Variants in APBB1 observed in about 807,000 individuals in gnomAD.
APBB1 encodes the protein adaptor protein FE65a2.
In APBB1, 22 loss-of-function variants were observed where a neutral mutation model predicts 78.4. The ratio of observed to expected loss-of-function variants is 0.28; its 90% CI spans 0.20 to 0.40. The LOEUF (loss-of-function observed/expected upper bound fraction) is 0.40, where lower values mean the gene tolerates loss of function less well. Among genes scored for constraint, APBB1 ranks in the 10% least tolerant of loss-of-function variants. The probability of loss-of-function intolerance (pLI) is 1.00; values close to 1 mark genes in which losing one functional copy is unlikely to be tolerated. For synonymous variants in APBB1, 369 were observed against 372.7 expected (o/e 0.99, Z 0.12); for missense variants, 749 against 932.4 (o/e 0.80, Z 2.56).
intron 12 of APBB1, among the ~76,000 whole-genome samples, chr11:6,399,728 T>C (rs967782204): frequency 3.9e-5 from 6 of 152,200 alleles, no homozygotes; most frequent in Non-Finnish European, 8.8e-5. Context: ...CAATAACTCC[T>C]TGCTGCCCTT....
rs377143617 is a variant in APBB1, at chr11:6,405,441, C to T, written c.722-1619G>A. ...TCCTCGGCAACCGCAGCACCAGGAC[C>T]GGCTGGGAGCGCCCAGACTGCTGAC... On this transcript the variant is annotated intron_variant, in intron 2 of 14. Transcript: ENST00000609360. 665 of 987,162 alleles carry T rather than the reference C, an allele frequency of 6.7e-4. 13 individuals are homozygous for T. In the South Asian group the frequency reaches 0.026, roughly 38 times the overall value. 61.2% of individuals were successfully genotyped at this position (987,162 alleles called of 1,614,324 possible).
At chr11:6,404,672 T>G in intron 2 of APBB1, 1 of 1,536,178 alleles carries the variant, frequency 6.5e-7, no homozygotes, top group Non-Finnish European at 8.7e-7. Context: ...TGTAACCCGC[T>G]CATGCGTCCT....
chr11:6,395,996 C>T lies in APBB1; in HGVS notation c.1789-34G>A, dbSNP rs375381935. ...AGGGAACTCAGTTAAAAAGGAACAC[C>T]AACCCCACACTGTGTTCCACATCCA... On this transcript the variant is annotated intron_variant, in intron 13 of 14. Coordinates refer to ENST00000609360, the MANE Select transcript of APBB1 (RefSeq NM_001164.5). This position sits in a 1 kb window ranked among gnomAD's most constrained non-coding sequence, Gnocchi z 5.2. 6.8e-6 allele frequency: 11 copies of T among 1,607,162 alleles called. No individual in the cohort carries two copies. Among genetic ancestry groups the T allele is most frequent in the South Asian group, 1.1e-5 (1 of 90,390 alleles).
intron 2 of APBB1, chr11:6,405,075 C>T: frequency 1.4e-6 from 2 of 1,382,142 alleles, no homozygotes; most frequent in Non-Finnish European, 1.9e-6. Context: ...ACCTCTTCTT[C>T]CTCGCCCTGG....
Position 6,395,394 on chromosome 11 carries a change from G to A in APBB1, c.*140C>T. The A allele has an allele frequency of 1.1e-6, 1 of 893,972 alleles. No homozygotes were observed. Among genetic ancestry groups the A allele is most frequent in the Non-Finnish European group, 1.6e-6 (1 of 622,076 alleles). 55.4% of individuals were successfully genotyped at this position (893,972 alleles called of 1,614,324 possible). Reference sequence around the variant, plus strand: ...TAGATCTCTCCCTCCCCAGCTCCTAGGCAGGGAACCGTAGCTACTGGGGAG... The same window carrying A: ...TAGATCTCTCCCTCCCCAGCTCCTAAGCAGGGAACCGTAGCTACTGGGGAG... On this transcript the variant is annotated 3_prime_UTR_variant, in exon 15 of 15. Transcript: ENST00000609360. This position sits in a 1 kb window ranked among gnomAD's most constrained non-coding sequence, Gnocchi z 5.2.
At chr11:6,412,652 T>C (rs1848999993) in intron 1 of APBB1, among the ~76,000 whole-genome samples, 1 of 152,380 alleles carries the variant, frequency 6.6e-6, no homozygotes, top group Admixed American at 6.5e-5. Flanking sequence ...AATTTCCATG[T>C]TGGTGAGGAT....
intron 7 of APBB1, 113 bp downstream of exon 7, chr11:6,402,463 G>A: frequency 1.6e-6 from 2 of 1,270,416 alleles, no homozygotes; most frequent in Non-Finnish European, 2.2e-6. Context: ...CACTTAGGAT[G>A]GGCCAATATC....
intron 2 of APBB1, chr11:6,404,591 G>T (rs1848704244): frequency 6.5e-7 from 1 of 1,535,984 alleles, no homozygotes; most frequent in African/African-American, 1.4e-5. Context: ...AACATGTCAT[G>T]CACATACACA....
intron 2 of APBB1, chr11:6,405,244 T>A: frequency 9.9e-7 from 1 of 1,014,734 alleles, no homozygotes; most frequent in Non-Finnish European, 1.2e-6. Flanking sequence ...ATAAATAGGG[T>A]GTGGTTTCAA....
intron 12 of APBB1, among the ~76,000 whole-genome samples, chr11:6,399,919 C>T (rs1008707980): frequency 6.6e-6 from 1 of 151,630 alleles, no homozygotes; most frequent in Non-Finnish European, 1.5e-5. Context: ...TCCACTTGAC[C>T]GCATTCACTT....
At position 6,400,871 on chromosome 11, in the gene APBB1, G is replaced by A. The variant is rs564187787; in HGVS notation, c.1672+118C>T. ...ATGGGGAGGTGGGATGCATTTTAAA[G>A]GGTAGGGAGACACCAAGCATGAGGA... On this transcript the variant is annotated intron_variant, in intron 12 of 14. Transcript: ENST00000609360. 2,934 of 945,688 alleles carry A rather than the reference G, an allele frequency of 3.1e-3. 12 individuals are homozygous for A. Among genetic ancestry groups the A allele is most frequent in the Non-Finnish European group, 4.2e-3 (2,424 of 576,622 alleles). The allele number at this position is 945,688 out of a possible 1,614,324, so 58.6% of individuals were successfully genotyped here.
chr11:6,413,473 C>T (rs1849034804), intron 1 of APBB1, among the ~76,000 whole-genome samples: 1 of 152,178 alleles, frequency 6.6e-6, no homozygotes. Flanking sequence ...GAGCACAGGT[C>T]TTGCAGCTAC....
rs1250159488 is a variant in APBB1 at position 6,401,162 on chromosome 11, C to A, written c.1589-90G>T. On this transcript the variant is annotated intron_variant, in intron 11 of 14. Coordinates refer to ENST00000609360, the MANE Select transcript of APBB1 (RefSeq NM_001164.5). The surrounding 1 kb of genome is among the most constrained non-coding windows in gnomAD (Gnocchi z 4.5). ...GGGCATAAGCTGGACACTTGCCCAG[C>A]CGAGGCCCTACTTTCATCTCGTCCC... The A allele has an allele frequency of 1.9e-6, 3 of 1,613,176 alleles. No homozygotes were observed. The East Asian group carries it at 6.7e-5, about 36-fold the overall frequency.
At chr11:6,410,177 G>A (rs1564945086) in intron 2 of APBB1, among the ~76,000 whole-genome samples, 1 of 152,174 alleles carries the variant, frequency 6.6e-6, no homozygotes, top group South Asian at 2.1e-4. Flanking sequence ...AAGAGCTCAG[G>A]CCTGGACTGA....
intron 7 of APBB1, 127 bp from the exon 8 acceptor site, chr11:6,402,336 C>T: frequency 7.3e-7 from 1 of 1,366,624 alleles, no homozygotes; most frequent in African/African-American, 1.4e-5. Flanking sequence ...ACCGCCCGCC[C>T]TGCAGGCCTC....
At chr11:6,396,257 G>T in intron 12 of APBB1, 42 bp from the exon 13 acceptor site, 2 of 1,506,358 alleles carry the variant, frequency 1.3e-6, no homozygotes, top group Non-Finnish European at 1.8e-6. Flanking sequence ...GGTAGACAGA[G>T]GATACCCCAG....
intron 12 of APBB1, among the ~76,000 whole-genome samples, chr11:6,398,486 G>A (rs1434061473): frequency 1.3e-5 from 2 of 152,210 alleles, no homozygotes; most frequent in Non-Finnish European, 2.9e-5. Flanking sequence ...GATAAAGCAG[G>A]AAGTAAGTTT....
At position 6,401,057 on chromosome 11, in the gene APBB1, G is replaced by A. The variant is rs773670333; in HGVS notation, c.1604C>T (p.Pro535Leu). The change falls in exon 12 of 15, where the codon CCT (proline) becomes CTT (leucine). Residue 535 changes from proline (P) to leucine (L), a missense_variant. This residue lies in a region of APBB1 where 635 missense variants were observed against 765.0 expected (regional missense o/e 0.83). Coordinates refer to ENST00000609360, the MANE Select transcript of APBB1 (RefSeq NM_001164.5). The surrounding 1 kb of genome is among the most constrained non-coding windows in gnomAD (Gnocchi z 4.5). ...GAACTTCTGGACCAACTCATTCTTA[G>A]GCGCTGGGAATTCCACTATGGGAAA... ...DVPFQVEFPA[P>L]KNELVQKFQV... The A allele has an allele frequency of 8.7e-6, 14 of 1,614,104 alleles. No individual in the cohort carries two copies. Among genetic ancestry groups the A allele is most frequent in the Non-Finnish European group, 1.1e-5 (13 of 1,180,032 alleles).
rs148356773 is a variant in APBB1 at position 6,395,428 on chromosome 11, T to C, written c.*106A>G. 5.7e-4 allele frequency: 726 copies of C among 1,271,852 alleles called. No homozygotes were observed. In the African/African-American group the frequency reaches 9.1e-3, roughly 16 times the overall value. 78.8% of individuals were successfully genotyped at this position (1,271,852 alleles called of 1,614,324 possible). A position where few individuals can be genotyped will look rare whatever the true frequency, so the allele number is the denominator to read the frequency against. On this transcript the variant is annotated 3_prime_UTR_variant, in exon 15 of 15. Coordinates refer to ENST00000609360, the MANE Select transcript of APBB1 (RefSeq NM_001164.5). The surrounding 1 kb of genome is among the most constrained non-coding windows in gnomAD (Gnocchi z 5.2). The stretch of plus-strand genomic sequence containing the variant: ...CCGTAGCTACTGGGGAGGGGCATAT[T>C]TGGGAGGCCTGAGGCCTAGGAATAG...
Sources: allele counts gnomAD v4.1 joint callset (sites outside exome capture counted in the v4.1 genomes callset), GRCh38; gene constraint gnomAD v4.1.1; regional missense constraint gnomAD v4.1.1; non-coding constraint Gnocchi (gnomAD v3.1); transcripts MANE v1.5; gene names NCBI Gene and HGNC (gene_info 2026-07-23, HGNC 2026-07-21).